Variants in NR6A1 observed in about 807,000 individuals in gnomAD.
NR6A1 encodes the protein nuclear receptor subfamily 6 group A member 1.
A neutral mutation model predicts 59.1 loss-of-function variants in NR6A1; 7 were observed. The observed-to-expected ratio is 0.12, with a 90% CI of 0.07 to 0.22. NR6A1 has a LOEUF of 0.22. Ranked by LOEUF, NR6A1 falls within the 10% of genes least tolerant of loss-of-function variation. NR6A1 has a pLI of 1.00. For synonymous variants in NR6A1, 243 were observed against 236.1 expected (o/e 1.03, Z -0.27); for missense variants, 468 against 611.6 (o/e 0.77, Z 2.48).
rs1203495649 is a variant in NR6A1, at chr9:124,771,248, T to TGGGCCCCGAGCCGCC, written c.-144_-130dup. 4 of 474,162 alleles carry TGGGCCCCGAGCCGCC rather than the reference T, an allele frequency of 8.4e-6. No individual in the cohort carries two copies. The highest frequency in any genetic ancestry group is 1.1e-4 in the South Asian group (1 of 9,360). The allele number at this position is 474,162 out of a possible 1,614,324, so 29.4% of individuals were successfully genotyped here. On this transcript the variant is annotated 5_prime_UTR_variant, in exon 1 of 10. Coordinates refer to ENST00000487099, the MANE Select transcript of NR6A1 (RefSeq NM_033334.4). ...GCGAGCTCCCGGCCGCGGCTCTCTC[T>TGGGCCCCGAGCCGCC]GGGCCCCGAGCCGCCCGGCTCCGCG...
intron 2 of NR6A1, among the ~76,000 whole-genome samples, chr9:124,705,882 T>A (rs1002646817): frequency 6.6e-6 from 1 of 151,900 alleles, no homozygotes; most frequent in African/African-American, 2.4e-5. Flanking sequence ...TTCAAGTGAT[T>A]CTCCTGCCTC....
chr9:124,672,525 G>A (rs557311689), intron 2 of NR6A1, among the ~76,000 whole-genome samples: 1 of 152,070 alleles, frequency 6.6e-6, no homozygotes, highest in South Asian at 2.1e-4. Context: ...TGAGGCAGGA[G>A]AATCGCTTGA....
At position 124,568,082 on chromosome 9, in the gene NR6A1, G is replaced by A. The variant is rs561091291; in HGVS notation, c.143-13512C>T. 5.6e-5 allele frequency among the ~76,000 whole-genome samples: 8 copies of A among 142,486 alleles called. No individual in the cohort carries two copies. In the South Asian group the frequency reaches 1.6e-3, roughly 28 times the overall value. The allele number at this position is 142,486 out of a possible 152,430, so 93.5% of individuals were successfully genotyped here. On this transcript the variant is annotated intron_variant, in intron 2 of 9. Coordinates refer to ENST00000487099, the MANE Select transcript of NR6A1 (RefSeq NM_033334.4). ...CCAGCTACTCTGGAGGCTGAGGCAG[G>A]AGAATCCCTTGAACTTGGAAGGTGG...
At chr9:124,540,001 G>GCTC in intron 5 of NR6A1, 32 bp downstream of exon 5, 1 of 1,560,814 alleles carries the variant, frequency 6.4e-7, no homozygotes, top group South Asian at 1.2e-5. Flanking sequence ...GGGATCCCTA[G>GCTC]ATGATGACCA....
Position 124,771,011 on chromosome 9 carries a change from C to G in NR6A1, c.100+9G>C. 1 of 1,226,640 alleles carries G rather than the reference C, an allele frequency of 8.2e-7. No individual in the cohort carries two copies. The highest frequency in any genetic ancestry group is 1.0e-6 in the Non-Finnish European group (1 of 983,520). The allele number at this position is 1,226,640 out of a possible 1,614,324, so 76.0% of individuals were successfully genotyped here. ...TGCCTGGCCCGGGCGTCGCAGGCCCCTCACCCACCGTTGCGCGGCGGCGGA... is the reference window on the plus strand; with the variant it reads ...TGCCTGGCCCGGGCGTCGCAGGCCCGTCACCCACCGTTGCGCGGCGGCGGA... On this transcript the variant is annotated intron_variant, in intron 1 of 9. Coordinates refer to ENST00000487099, the MANE Select transcript of NR6A1 (RefSeq NM_033334.4).
At chr9:124,559,834 T>C (rs772383366) in intron 2 of NR6A1, among the ~76,000 whole-genome samples, 1 of 152,160 alleles carries the variant, frequency 6.6e-6, no homozygotes, top group Non-Finnish European at 1.5e-5. Context: ...TTCCTTCTCA[T>C]TTCTTAGTCT....
intron 1 of NR6A1, among the ~76,000 whole-genome samples, chr9:124,752,985 G>C (rs898094563): frequency 6.6e-5 from 10 of 152,152 alleles, no homozygotes; most frequent in African/African-American, 9.7e-5. Flanking sequence ...TAGGCAGTAA[G>C]GCCTGTGGGA....
intron 2 of NR6A1, among the ~76,000 whole-genome samples, chr9:124,717,479 G>A (rs1386151461): frequency 6.6e-6 from 1 of 152,192 alleles, no homozygotes; most frequent in African/African-American, 2.4e-5. Flanking sequence ...CATATTGTAT[G>A]ACCATATATA....
chr9:124,697,512 G>C (rs547530720), intron 2 of NR6A1, among the ~76,000 whole-genome samples: 1 of 152,118 alleles, frequency 6.6e-6, no homozygotes, highest in African/African-American at 2.4e-5. Context: ...AAGGGTATGT[G>C]TAACTACCTT....
intron 8 of NR6A1, 78 bp downstream of exon 8, chr9:124,526,700 AG>A: frequency 1.3e-6 from 2 of 1,581,172 alleles, no homozygotes; most frequent in Non-Finnish European, 1.7e-6. Flanking sequence ...GAGGGTAAGG[AG>A]GGGTGAAACA....
At chr9:124,582,440 A>G (rs1316070299) in intron 2 of NR6A1, among the ~76,000 whole-genome samples, 3 of 152,200 alleles carry the variant, frequency 2.0e-5, no homozygotes, top group Admixed American at 1.3e-4. Context: ...GAGGAGGGAG[A>G]GGATCAGGAA....
At chr9:124,733,619 C>A (rs1025391649) in intron 1 of NR6A1, among the ~76,000 whole-genome samples, 3 of 152,174 alleles carry the variant, frequency 2.0e-5, no homozygotes, top group Non-Finnish European at 4.4e-5. Context: ...CCTTGCCACA[C>A]AGTAGGAGCT....
Position 124,659,119 on chromosome 9 carries a change from G to A in NR6A1, c.142+74189C>T, listed in dbSNP as rs1837345022. 2.0e-5 allele frequency among the ~76,000 whole-genome samples: 3 copies of A among 152,168 alleles called. 1 individual carries two copies. Among genetic ancestry groups the A allele is most frequent in the Admixed American group, 1.3e-4 (2 of 15,280 alleles). ...TACCACCTTTTCTATCTCTAGTTTT[G>A]TGTGGCCAAACACTTGTGCCGCCTG... is the stretch of plus-strand genomic sequence containing the variant. On this transcript the variant is annotated intron_variant, in intron 2 of 9. Coordinates refer to ENST00000487099, the MANE Select transcript of NR6A1 (RefSeq NM_033334.4).
At chr9:124,746,197 A>G (rs1358921729) in intron 1 of NR6A1, among the ~76,000 whole-genome samples, 3 of 152,208 alleles carry the variant, frequency 2.0e-5, no homozygotes, top group Admixed American at 6.5e-5. Context: ...CCCACGTCCC[A>G]GCTTCAGAAA....
intron 2 of NR6A1, among the ~76,000 whole-genome samples, chr9:124,673,975 T>C (rs1362570004): frequency 6.6e-6 from 1 of 152,222 alleles, no homozygotes; most frequent in African/African-American, 2.4e-5. Flanking sequence ...TTGGCATCTG[T>C]CTTCAAATCT....
intron 2 of NR6A1, among the ~76,000 whole-genome samples, chr9:124,659,481 C>G (rs960141015): frequency 1.3e-5 from 2 of 152,080 alleles, no homozygotes; most frequent in African/African-American, 4.8e-5. Context: ...TCAGAAAATA[C>G]CGGGAACTGG....
intron 2 of NR6A1, among the ~76,000 whole-genome samples, chr9:124,676,940 T>C (rs1007039815): frequency 6.6e-6 from 1 of 152,212 alleles, no homozygotes; most frequent in Non-Finnish European, 1.5e-5. Context: ...TTCACTCATA[T>C]TCAAGACTGA....
At chr9:124,733,527 A>G (rs1017956606) in intron 1 of NR6A1, among the ~76,000 whole-genome samples, 178 bp from the exon 2 acceptor site, 11 of 152,166 alleles carry the variant, frequency 7.2e-5, no homozygotes, top group African/African-American at 2.4e-4. Context: ...TCATCCCTTC[A>G]ATATAAAAAC....
At chr9:124,549,680 TTAATA>T (rs1394622634) in intron 3 of NR6A1, among the ~76,000 whole-genome samples, 1 of 152,214 alleles carries the variant, frequency 6.6e-6, no homozygotes, top group Non-Finnish European at 1.5e-5. Flanking sequence ...CTGCATTTTT[TTAATA>T]GTTAATTTTT....
Sources: gnomAD v4.1 joint callset for allele counts (sites outside exome capture counted in the v4.1 genomes callset) on GRCh38, gnomAD v4.1.1 for gene constraint, MANE v1.5 for transcripts, NCBI Gene and HGNC (gene_info 2026-07-23, HGNC 2026-07-21) for gene names.